EML5: variants seen among roughly 807,000 people sequenced by gnomAD.
EML5 encodes echinoderm microtubule-associated protein-like 5.
EML5 carries 120 observed loss-of-function variants against 250.0 expected under a neutral mutation model. That is an observed-to-expected ratio of 0.48 (90% CI 0.41 to 0.56). The LOEUF is 0.56. Ranked by LOEUF, EML5 falls within the 20% of genes least tolerant of loss-of-function variation. The pLI is 0.00. For missense variants in EML5, 2,006 were observed against 2,437.6 expected (o/e 0.82, Z 3.73); for synonymous variants, 771 against 806.5 (o/e 0.96, Z 0.75).
chr14:88,640,866 A>G (rs1386173111), intron 31 of EML5, among the ~76,000 whole-genome samples: 2 of 152,086 alleles, frequency 1.3e-5, no homozygotes, highest in African/African-American at 2.4e-5. Flanking sequence ...AAAAATGACA[A>G]AGATCACATT....
chr14:88,723,552 T>C (rs1413450482), intron 8 of EML5, among the ~76,000 whole-genome samples: 1 of 152,150 alleles, frequency 6.6e-6, no homozygotes, highest in Non-Finnish European at 1.5e-5. Context: ...TTAGAGTTAA[T>C]AATAATGTAG....
chr14:88,687,084 T>G (rs894634644), intron 19 of EML5, 132 bp downstream of exon 19: 2 of 663,346 alleles, frequency 3.0e-6, no homozygotes, highest in Non-Finnish European at 5.1e-6. Flanking sequence ...GTTAAGTGAT[T>G]TCTTCCACTT....
chr14:88,757,797 T>A (rs1004609203), intron 1 of EML5, among the ~76,000 whole-genome samples: 1 of 151,774 alleles, frequency 6.6e-6, no homozygotes, highest in Non-Finnish European at 1.5e-5. Flanking sequence ...TTTCTTTCCC[T>A]CTTTCCTTCC....
intron 4 of EML5, among the ~76,000 whole-genome samples, chr14:88,741,901 T>C (rs923454958): frequency 6.6e-6 from 1 of 152,212 alleles, no homozygotes; most frequent in Non-Finnish European, 1.5e-5. Context: ...TTATGATCAT[T>C]ATCTATTCAA....
At chr14:88,735,091 G>A (rs2093818977) in intron 7 of EML5, among the ~76,000 whole-genome samples, 3 of 152,202 alleles carry the variant, frequency 2.0e-5, no homozygotes, top group South Asian at 4.2e-4. Context: ...GGAAAAAAAA[G>A]ACAAACTGGG....
intron 21 of EML5, among the ~76,000 whole-genome samples, chr14:88,681,658 A>G (rs2092715649): frequency 6.6e-6 from 1 of 152,184 alleles, no homozygotes; most frequent in Non-Finnish European, 1.5e-5. Flanking sequence ...TTCTTTATTC[A>G]ACAAGTTATT....
intron 13 of EML5, among the ~76,000 whole-genome samples, chr14:88,703,897 T>C (rs1320885547): frequency 6.6e-6 from 1 of 152,202 alleles, no homozygotes; most frequent in Admixed American, 6.5e-5. Context: ...AAGAGGCCCA[T>C]TTCCATACAT....
chr14:88,671,546 TAAC>T (rs1470025220), intron 21 of EML5, among the ~76,000 whole-genome samples: 2 of 152,158 alleles, frequency 1.3e-5, no homozygotes, highest in African/African-American at 4.8e-5. Context: ...AATTCACACA[TAAC>T]AATATTAACC....
chr14:88,634,588 A>C, intron 32 of EML5, 99 bp from the exon 33 acceptor site: 1 of 629,542 alleles, frequency 1.6e-6, no homozygotes. Flanking sequence ...TATATACAAA[A>C]TTGGTTTTAT....
At chr14:88,713,426 G>A (rs1008812183) in intron 9 of EML5, among the ~76,000 whole-genome samples, 3 of 151,804 alleles carry the variant, frequency 2.0e-5, no homozygotes, top group African/African-American at 7.3e-5. Flanking sequence ...ATATTTTGAT[G>A]ATTCTGCTTT....
chr14:88,792,839 G>A lies in EML5; in HGVS notation c.-336C>T, dbSNP rs2094624085. The A allele has an allele frequency of 2.7e-5, 19 of 706,922 alleles. No individual in the cohort carries two copies. Among genetic ancestry groups the A allele is most frequent in the South Asian group, 1.9e-4 (3 of 15,640 alleles). 43.8% of individuals were successfully genotyped at this position (706,922 alleles called of 1,614,324 possible). A position where few individuals can be genotyped will look rare whatever the true frequency, so the allele number is the denominator to read the frequency against. The stretch of plus-strand genomic sequence containing the variant: ...AGGGCCCGCCTCCAGCTCCTCAGCC[G>A]CCGCCCGCGCACGCAGCTCCCAGCC... On this transcript the variant is annotated 5_prime_UTR_variant, in exon 1 of 44. Coordinates refer to ENST00000554922, the MANE Select transcript of EML5 (RefSeq NM_183387.3). The surrounding 1 kb of genome is among the most constrained non-coding windows in gnomAD (Gnocchi z 6.9).
chr14:88,616,135 T>TA lies in EML5; in HGVS notation c.5897+6dup. The TA allele has an allele frequency of 6.2e-7, 1 of 1,613,620 alleles. No individual in the cohort carries two copies. The highest frequency in any genetic ancestry group is 8.5e-7 in the Non-Finnish European group (1 of 1,179,584). On this transcript the variant is annotated splice_region_variant and intron_variant, in intron 43 of 43. Coordinates refer to ENST00000554922, the MANE Select transcript of EML5 (RefSeq NM_183387.3). ...TCTGCTCTTCATGGGCTGAGAAAGT[T>TA]ACTAACCTGCAGTCATCACCTCCAG...
intron 1 of EML5, among the ~76,000 whole-genome samples, chr14:88,763,946 T>C (rs184889208): frequency 1.3e-5 from 2 of 152,352 alleles, no homozygotes; most frequent in Admixed American, 1.3e-4. Context: ...TTTAAAAATA[T>C]GAATAAGTAT....
Position 88,694,377 on chromosome 14 carries a change from CT to C in EML5, c.2468del (p.Lys823ArgfsTer2). 1 of 1,589,342 alleles carries C rather than the reference CT, an allele frequency of 6.3e-7. No homozygotes were observed. On this transcript the variant is annotated frameshift_variant, in exon 17 of 44. Transcript: ENST00000554922. LOFTEE classifies it high-confidence loss of function. Reference sequence around the variant, plus strand: ...GTTTATCAGGCACATAGGGGTTCATCTTTACAACAAAAATCTTATCTTTACT... The same window carrying C: ...GTTTATCAGGCACATAGGGGTTCATCTTACAACAAAAATCTTATCTTTACT... ...RGSKDKIFVVKMNPYVPDKLI... is the reference protein window; with the variant it reads ...RGSKDKIFVVXMNPYVPDKLI...
At chr14:88,719,914 G>C (rs910186339) in intron 8 of EML5, among the ~76,000 whole-genome samples, 3 of 151,590 alleles carry the variant, frequency 2.0e-5, no homozygotes, top group African/African-American at 7.3e-5. Context: ...GGAGAAAAGA[G>C]GGAAGAATCA....
intron 31 of EML5, among the ~76,000 whole-genome samples, chr14:88,641,231 G>A (rs576556137): frequency 9.9e-5 from 15 of 151,898 alleles, no homozygotes; most frequent in South Asian, 4.2e-4. Flanking sequence ...AAAAATAGAG[G>A]AGTGGGCACT....
intron 7 of EML5, 22 bp from the exon 8 acceptor site, chr14:88,726,700 A>G: frequency 6.6e-7 from 1 of 1,506,660 alleles, no homozygotes; most frequent in East Asian, 2.5e-5. Context: ...AATTTAAAAA[A>G]TAAAAAAGGT....
intron 38 of EML5, 78 bp from the exon 39 acceptor site, chr14:88,621,004 C>A: frequency 1.4e-6 from 2 of 1,470,270 alleles, no homozygotes; most frequent in Non-Finnish European, 9.0e-7. Context: ...AGTTTCCCCT[C>A]AAAATGCTCA....
At chr14:88,704,055 C>T (rs906132475) in intron 13 of EML5, among the ~76,000 whole-genome samples, 3 of 152,050 alleles carry the variant, frequency 2.0e-5, no homozygotes, top group South Asian at 2.1e-4. Flanking sequence ...TGATATGATT[C>T]GGATATTTGT....
Sources: allele counts gnomAD v4.1 joint callset (sites outside exome capture counted in the v4.1 genomes callset), GRCh38; gene constraint gnomAD v4.1.1; non-coding constraint Gnocchi (gnomAD v3.1); transcripts MANE v1.5; gene names NCBI Gene and HGNC (gene_info 2026-07-23, HGNC 2026-07-21).